The following PLEKHA7 variants were observed in gnomAD, a reference collection of about 807,000 sequenced individuals.
PLEKHA7 encodes pleckstrin homology domain-containing family A member 7.
Under a neutral mutation model 170.0 loss-of-function variants are expected in PLEKHA7, and 104 were observed. The ratio of observed to expected loss-of-function variants is 0.61; its 90% CI spans 0.52 to 0.72. PLEKHA7 has a LOEUF of 0.72. Among genes scored for constraint, PLEKHA7 ranks in the 30% least tolerant of loss-of-function variants. PLEKHA7 has a pLI of 0.00. For synonymous variants in PLEKHA7, 648 were observed against 660.8 expected (o/e 0.98, Z 0.30); for missense variants, 1,615 against 1,671.7 (o/e 0.97, Z 0.59).
chr11:16,986,671 C>T (rs1161571106), intron 3 of PLEKHA7, among the ~76,000 whole-genome samples: 1 of 152,184 alleles, frequency 6.6e-6, no homozygotes, highest in African/African-American at 2.4e-5. Context: ...TGGCTGGAGT[C>T]CCAGCTGTCA....
At chr11:16,955,214 T>C (rs1861630010) in intron 3 of PLEKHA7, among the ~76,000 whole-genome samples, 2 of 152,190 alleles carry the variant, frequency 1.3e-5, no homozygotes, top group Non-Finnish European at 2.9e-5. Context: ...CAGGAGAGAC[T>C]TGCTGAATGA....
chr11:16,907,180 C>T (rs1316598437), intron 3 of PLEKHA7, among the ~76,000 whole-genome samples: 2 of 83,362 alleles, frequency 2.4e-5, no homozygotes, highest in African/African-American at 7.3e-5. Flanking sequence ...AGCCCCCCGC[C>T]CGGCCAGCCG....
intron 21 of PLEKHA7, 126 bp downstream of exon 21, chr11:16,790,670 ACC>A: frequency 2.2e-6 from 2 of 891,388 alleles, no homozygotes; most frequent in South Asian, 3.5e-5. Context: ...GGCATCCCAG[ACC>A]CCCCTGACAG....
In PLEKHA7 at chr11:16,791,012, C is replaced by G. The variant is rs1232667986; in HGVS notation, c.2933G>C (p.Arg978Thr). 1 of 1,614,106 alleles carries G rather than the reference C, an allele frequency of 6.2e-7. No individual in the cohort carries two copies. Among genetic ancestry groups the G allele is most frequent in the Non-Finnish European group, 8.5e-7 (1 of 1,180,018 alleles). ...ELGQCVNGDS[R>T]VELRSYVSEP... ...GCAGCCCCAGGGTCCCCCGCTCACC[C>G]TGGAATCCCCATTCACACACTGCCC... is the stretch of plus-strand genomic sequence containing the variant. Residue 978 changes from arginine (R) to threonine (T), a missense_variant and splice_region_variant, in exon 20 of 27, where the codon AGG (arginine) becomes ACG (threonine). Physicochemically the swap from Arg to Thr is moderately conservative, Grantham distance 71. Transcript: ENST00000531066. The surrounding 1 kb of genome is among the most constrained non-coding windows in gnomAD (Gnocchi z 4.5).
intron 3 of PLEKHA7, among the ~76,000 whole-genome samples, chr11:16,963,679 G>C (rs958476405): frequency 6.6e-6 from 1 of 152,146 alleles, no homozygotes; most frequent in Non-Finnish European, 1.5e-5. Flanking sequence ...CAGCCAGTCA[G>C]AATGACCAGG....
At chr11:16,980,674 G>A (rs1273194324) in intron 3 of PLEKHA7, among the ~76,000 whole-genome samples, 1 of 152,140 alleles carries the variant, frequency 6.6e-6, no homozygotes, top group Non-Finnish European at 1.5e-5. Context: ...TATAATCCCT[G>A]CACTTTGGGA....
chr11:16,824,781 T>C (rs768658376), intron 10 of PLEKHA7, among the ~76,000 whole-genome samples: 2 of 152,218 alleles, frequency 1.3e-5, no homozygotes, highest in Non-Finnish European at 2.9e-5. Context: ...TCAAATAAAA[T>C]TCAAATGCCT....
chr11:16,790,184 C>T (rs1046067183), intron 21 of PLEKHA7: 4 of 398,290 alleles, frequency 1.0e-5, no homozygotes, highest in Non-Finnish European at 1.9e-5. Flanking sequence ...GGCAGGAATG[C>T]CTTTCACCCC....
chr11:16,876,289 G>T (rs1158854478), intron 3 of PLEKHA7, among the ~76,000 whole-genome samples: 2 of 152,264 alleles, frequency 1.3e-5, no homozygotes, highest in Non-Finnish European at 2.9e-5. Context: ...TGGCCCGGCT[G>T]AGAGCCAAGT....
At chr11:16,991,663 T>C (rs1004038897) in intron 3 of PLEKHA7, among the ~76,000 whole-genome samples, 2 of 151,654 alleles carry the variant, frequency 1.3e-5, no homozygotes, top group African/African-American at 2.4e-5. Flanking sequence ...AGAGAGGTAA[T>C]GGGGTTGGAG....
chr11:16,783,244 G>A (rs148685391), intron 25 of PLEKHA7, among the ~76,000 whole-genome samples: 1 of 152,314 alleles, frequency 6.6e-6, no homozygotes, highest in African/African-American at 2.4e-5. Flanking sequence ...CACTTCAGAG[G>A]ACCCCAGGCC....
intron 3 of PLEKHA7, among the ~76,000 whole-genome samples, chr11:16,899,503 C>T (rs1857197848): frequency 6.6e-6 from 1 of 152,054 alleles, no homozygotes; most frequent in Non-Finnish European, 1.5e-5. Flanking sequence ...CATCTCAAAA[C>T]AAAACTTTTG....
intron 3 of PLEKHA7, among the ~76,000 whole-genome samples, chr11:16,988,083 C>T (rs983189285): frequency 6.6e-6 from 1 of 152,244 alleles, no homozygotes; most frequent in Non-Finnish European, 1.5e-5. Context: ...CTCACTACCT[C>T]ACCTACAGGG....
intron 26 of PLEKHA7, 77 bp from the exon 27 acceptor site, chr11:16,779,097 C>T: frequency 1.4e-6 from 1 of 700,218 alleles, no homozygotes; most frequent in South Asian, 1.5e-5. Flanking sequence ...GATGGAATGG[C>T]AGATAGGCGG....
chr11:16,859,842 C>T (rs895213593), intron 4 of PLEKHA7, among the ~76,000 whole-genome samples: 1 of 152,294 alleles, frequency 6.6e-6, no homozygotes, highest in Non-Finnish European at 1.5e-5. Context: ...CTGCGTCACG[C>T]AGACCCCTGG....
At chr11:17,010,797 T>G (rs1016740217) in intron 3 of PLEKHA7, among the ~76,000 whole-genome samples, 1 of 151,208 alleles carries the variant, frequency 6.6e-6, no homozygotes, top group African/African-American at 2.4e-5. Context: ...AACACAAAAA[T>G]CAAACATTCA....
rs1262954729 is a variant in PLEKHA7 at position 16,817,204 on chromosome 11, G to A, written c.1462C>T (p.Pro488Ser). 1.2e-6 allele frequency: 2 copies of A among 1,614,130 alleles called. No individual in the cohort carries two copies. The highest frequency in any genetic ancestry group is 1.7e-6 in the Non-Finnish European group (2 of 1,180,016). ...RHPSGGSSPP[P>S]RNLPSDYKYA... ...TTGTAGTCACTTGGCAGGTTTCGGG[G>A]AGGTGGCGAGGAGCCCCCCGAGGGG... The change falls in exon 11 of 27, where the codon CCC becomes TCC. Residue 488 changes from proline to serine, a missense_variant. By Grantham distance (74) the Pro-to-Ser change is moderately conservative. Transcript: ENST00000531066. This position sits in a 1 kb window ranked among gnomAD's most constrained non-coding sequence, Gnocchi z 4.4.
intron 3 of PLEKHA7, among the ~76,000 whole-genome samples, chr11:16,882,350 C>T (rs905363080): frequency 6.6e-6 from 1 of 152,146 alleles, no homozygotes; most frequent in Non-Finnish European, 1.5e-5. Flanking sequence ...ACCAAAGAAG[C>T]TCAAGCTTTA....
chr11:16,896,593 A>G (rs765983422), intron 3 of PLEKHA7, among the ~76,000 whole-genome samples: 48 of 151,994 alleles, frequency 3.2e-4, no homozygotes, highest in Non-Finnish European at 4.0e-4. Context: ...CCATCATCCT[A>G]TCTCTGCACC....
Sources: gnomAD v4.1 joint callset for allele counts (sites outside exome capture counted in the v4.1 genomes callset) on GRCh38, gnomAD v4.1.1 for gene constraint, Gnocchi (gnomAD v3.1) non-coding constraint, MANE v1.5 for transcripts, NCBI Gene and HGNC (gene_info 2026-07-23, HGNC 2026-07-21) for gene names.